STARD9: variants seen among roughly 807,000 people sequenced by gnomAD.
The protein encoded by STARD9 is stAR-related lipid transfer protein 9.
In STARD9, 346 loss-of-function variants were observed where a neutral mutation model predicts 399.8. The ratio of observed to expected loss-of-function variants is 0.87; its 90% CI spans 0.79 to 0.95. The LOEUF is 0.95. Ranked by LOEUF, STARD9 falls within the 40% of genes least tolerant of loss-of-function variation. The pLI is 0.00. For missense variants in STARD9, 5,832 were observed against 5,667.5 expected, an observed-to-expected ratio of 1.03 and a Z score of -0.93; for synonymous variants, 2,203 against 2,143.5, an observed-to-expected ratio of 1.03 and a Z score of -0.77.
intron 3 of STARD9, among the ~76,000 whole-genome samples, chr15:42,588,097 C>G (rs2058315354): frequency 6.6e-6 from 1 of 152,146 alleles, no homozygotes; most frequent in African/African-American, 2.4e-5. Context: ...TGAGACCTGC[C>G]TGGCCATGGC....
At chr15:42,624,424 GA>G (rs2059155713) in intron 3 of STARD9, among the ~76,000 whole-genome samples, 1 of 150,162 alleles carries the variant, frequency 6.7e-6, no homozygotes, top group Admixed American at 6.6e-5. Flanking sequence ...TTAAGATCTT[GA>G]AGGAACATTA....
In STARD9 at chr15:42,685,043, G is replaced by A. The variant is rs952683592; in HGVS notation, c.3465G>A (p.Arg1155=). 1.0e-4 allele frequency: 154 copies of A among 1,537,184 alleles called. 1 individual carries two copies. In the East Asian group the frequency reaches 3.6e-3, roughly 36 times the overall value. The change falls in exon 23 of 33, where the codon AGG becomes AGA. Residue 1155 remains arginine, a synonymous_variant. Coordinates refer to ENST00000290607, the MANE Select transcript of STARD9 (RefSeq NM_020759.3). Reference sequence around the variant, plus strand: ...CTGAGGACTCACTGGCTGAGAAGAGGTACCAAAGCCCCAAAAACAGGCTAG... The same window carrying A: ...CTGAGGACTCACTGGCTGAGAAGAGATACCAAAGCCCCAAAAACAGGCTAG... ...QLSEDSLAEK[R]YQSPKNRLGG... is the part of the protein sequence containing the mutation.
At position 42,685,783 on chromosome 15, in the gene STARD9, G is replaced by A; in HGVS notation, c.4205G>A (p.Ser1402Asn). 1 of 1,537,356 alleles carries A rather than the reference G, an allele frequency of 6.5e-7. No individual in the cohort carries two copies. Among genetic ancestry groups the A allele is most frequent in the Non-Finnish European group, 8.7e-7 (1 of 1,146,966 alleles). ...LPYSSKLHQG[S>N]TELLCSARDE... is the part of the protein sequence containing the mutation. ...TATAGCTCCAAACTGCACCAAGGCAGTACTGAGCTCCTCTGCAGTGCAAGA... is the reference window on the plus strand; with the variant it reads ...TATAGCTCCAAACTGCACCAAGGCAATACTGAGCTCCTCTGCAGTGCAAGA... Residue 1402 changes from serine to asparagine, a missense_variant, in exon 23 of 33, where the codon AGT becomes AAT. Transcript: ENST00000290607.
At chr15:42,695,956 C>T (rs1431898147) in intron 26 of STARD9, 76 bp downstream of exon 26, 7 of 1,453,252 alleles carry the variant, frequency 4.8e-6, no homozygotes, top group African/African-American at 1.5e-5. Context: ...CGCTGTGCCT[C>T]CTGGAGTTTG....
intron 26 of STARD9, among the ~76,000 whole-genome samples, chr15:42,696,524 A>G (rs1486571889): frequency 6.6e-6 from 1 of 152,220 alleles, no homozygotes; most frequent in Non-Finnish European, 1.5e-5. Context: ...AATCCATCTC[A>G]TTGTGTTACT....
At chr15:42,625,480 G>A (rs1448600337) in intron 3 of STARD9, among the ~76,000 whole-genome samples, 2 of 148,824 alleles carry the variant, frequency 1.3e-5, no homozygotes, top group African/African-American at 5.0e-5. Flanking sequence ...ACAGACACAC[G>A]CCACCACTCC....
rs1031966572 is a variant in STARD9, at chr15:42,694,571, C to T, written c.12808C>T (p.Arg4270Ter). The T allele has an allele frequency of 3.9e-6, 6 of 1,537,134 alleles. No individual in the cohort carries two copies. The highest frequency in any genetic ancestry group is 1.7e-4 in the Middle Eastern group (1 of 5,990). The change falls in exon 24 of 33, where the codon CGA becomes TGA. Residue 4270 changes from arginine (R) to a stop codon, truncating the protein, a stop_gained. Transcript: ENST00000290607. LOFTEE classifies it high-confidence loss of function. ...IETLRRERAERLGNFCRTRSL... is the reference protein window; with the variant it reads ...IETLRRERAE ...GACCCTCAGGAGAGAGCGGGCTGAG[C>T]GACTTGGGAACTTCTGCCGGACGCG...
intron 26 of STARD9, among the ~76,000 whole-genome samples, chr15:42,709,820 G>T (rs747009522): frequency 7.2e-5 from 11 of 152,116 alleles, no homozygotes; most frequent in Non-Finnish European, 1.3e-4. Context: ...AGGGAATTTT[G>T]TATTTCCCTC....
chr15:42,688,908 G>C lies in STARD9; in HGVS notation c.7330G>C (p.Asp2444His). The change falls in exon 23 of 33, where the codon GAC becomes CAC. Residue 2444 changes from aspartate (D) to histidine (H), a missense_variant. By Grantham distance (81) the Asp-to-His change is moderately conservative. This residue lies in a region of STARD9 where 5,828 missense variants were observed against 5,651.1 expected (regional missense o/e 1.03). Transcript: ENST00000290607. The part of the protein sequence containing the change: ...DRISASTSPQ[D>H]HGKDLRITLL... Reference sequence around the variant, plus strand: ...GATCTCAGCAAGCACCAGCCCCCAAGACCATGGAAAGGACCTCAGAATCAC... The same window carrying C: ...GATCTCAGCAAGCACCAGCCCCCAACACCATGGAAAGGACCTCAGAATCAC... 1 of 1,537,384 alleles carries C rather than the reference G, an allele frequency of 6.5e-7. No individual in the cohort carries two copies.
In STARD9 at chr15:42,682,468, C is replaced by CA. The variant is rs1287501341; in HGVS notation, c.2431dup (p.Ser811LysfsTer3). The stretch of plus-strand genomic sequence containing the variant: ...CCCAGGAGCCCCCATACCAGGTCCT[C>CA]AGCCCTGATGCCACAGTCCCACGGC... On this transcript the variant is annotated frameshift_variant, in exon 22 of 33. Transcript: ENST00000290607. LOFTEE classifies it high-confidence loss of function. 3 of 1,537,098 alleles carry CA rather than the reference C, an allele frequency of 2.0e-6. No homozygotes were observed. The highest frequency in any genetic ancestry group is 2.6e-6 in the Non-Finnish European group (3 of 1,146,904).
chr15:42,686,815 C>T lies in STARD9; in HGVS notation c.5237C>T (p.Thr1746Ile). Reference sequence around the variant, plus strand: ...TCCCTGCAGCCCCCACTCTTGGAAACATTCTATGTGACCAAAAGCAGGGAT... The same window carrying T: ...TCCCTGCAGCCCCCACTCTTGGAAATATTCTATGTGACCAAAAGCAGGGAT... ...SSSLQPPLLE[T>I]FYVTKSRDAL... is the part of the protein sequence containing the mutation. The change falls in exon 23 of 33, where the codon ACA becomes ATA. Residue 1746 changes from threonine (T) to isoleucine (I), a missense_variant. Coordinates refer to ENST00000290607, the MANE Select transcript of STARD9 (RefSeq NM_020759.3). The T allele has an allele frequency of 6.5e-7, 1 of 1,537,190 alleles. No homozygotes were observed. The highest frequency in any genetic ancestry group is 1.4e-5 in the African/African-American group (1 of 73,164).
At chr15:42,647,908 C>A (rs1035351974) in intron 7 of STARD9, among the ~76,000 whole-genome samples, 5 of 152,168 alleles carry the variant, frequency 3.3e-5, no homozygotes, top group Non-Finnish European at 7.3e-5. Context: ...TTGGTGGTTA[C>A]TCCAGAGATT....
chr15:42,638,112 C>A lies in STARD9; in HGVS notation c.446+25C>A, dbSNP rs776204693. 12 of 1,528,778 alleles carry A rather than the reference C, an allele frequency of 7.8e-6. No individual in the cohort carries two copies. The East Asian group carries it at 2.9e-4, about 37-fold the overall frequency. 94.7% of individuals were successfully genotyped at this position (1,528,778 alleles called of 1,614,324 possible). A position where few individuals can be genotyped will look rare whatever the true frequency, so the allele number is the denominator to read the frequency against. On this transcript the variant is annotated intron_variant, in intron 6 of 32. Coordinates refer to ENST00000290607, the MANE Select transcript of STARD9 (RefSeq NM_020759.3). ...GGTAAGAACCTCCCAAGCTCTGGGACCTACAGTAGTTCTTCTTCTACTCCA... is the reference window on the plus strand; with the variant it reads ...GGTAAGAACCTCCCAAGCTCTGGGAACTACAGTAGTTCTTCTTCTACTCCA...
intron 3 of STARD9, among the ~76,000 whole-genome samples, chr15:42,620,973 C>T (rs2059081019): frequency 6.6e-6 from 1 of 151,946 alleles, no homozygotes; most frequent in African/African-American, 2.4e-5. Flanking sequence ...AGTCTGGTCT[C>T]GAACTCCTGA....
intron 26 of STARD9, among the ~76,000 whole-genome samples, chr15:42,714,313 G>T (rs1283589255): frequency 6.6e-6 from 1 of 151,968 alleles, no homozygotes; most frequent in East Asian, 1.9e-4. Context: ...TGATCCACCC[G>T]CCTCGGCCTA....
At position 42,695,884 on chromosome 15, in the gene STARD9, A is replaced by G; in HGVS notation, c.13284+4A>G. ...GCTCCAGTTCCCAGAGAATATGGTG[A>G]GTAGGCAGATGTTGGGAATGAGCCA... On this transcript the variant is annotated splice_donor_region_variant and intron_variant, in intron 26 of 32. Coordinates refer to ENST00000290607, the MANE Select transcript of STARD9 (RefSeq NM_020759.3). 1 of 1,536,706 alleles carries G rather than the reference A, an allele frequency of 6.5e-7. No individual in the cohort carries two copies. Among genetic ancestry groups the G allele is most frequent in the Non-Finnish European group, 8.7e-7 (1 of 1,146,562 alleles).
chr15:42,714,850 C>CT (rs1218451498), intron 26 of STARD9, among the ~76,000 whole-genome samples: 7,068 of 146,634 alleles, frequency 0.048, 494 homozygotes, highest in African/African-American at 0.16. Context: ...CTGATGCAAT[C>CT]TTTTTTTTTT....
chr15:42,616,705 C>G (rs1308927273), intron 3 of STARD9, among the ~76,000 whole-genome samples: 1 of 151,864 alleles, frequency 6.6e-6, no homozygotes, highest in Non-Finnish European at 1.5e-5. Flanking sequence ...TCCTGGCTAA[C>G]ACGGTGAAAC....
chr15:42,671,678 G>A (rs2060204844), intron 16 of STARD9: 1 of 150,660 alleles, frequency 6.6e-6, no homozygotes, highest in East Asian at 2.0e-4. Flanking sequence ...ATGTAATAAA[G>A]GCAGAAAGGA....
Sources: allele counts gnomAD v4.1 joint callset (sites outside exome capture counted in the v4.1 genomes callset), GRCh38; gene constraint gnomAD v4.1.1; regional missense constraint gnomAD v4.1.1; transcripts MANE v1.5; gene names NCBI Gene and HGNC (gene_info 2026-07-23, HGNC 2026-07-21).